ADGRL3: variants seen among roughly 807,000 people sequenced by gnomAD.
ADGRL3 encodes the protein calcium-independent alpha-latrotoxin receptor 3.
A neutral mutation model predicts 153.5 loss-of-function variants in ADGRL3; 62 were observed. The observed-to-expected ratio is 0.40, with a 90% confidence interval of 0.33 to 0.50. The LOEUF is 0.50. ADGRL3 is among the 20% of genes least tolerant of loss of function. The probability of loss-of-function intolerance (pLI) is 0.47; values close to 1 mark genes in which losing one functional copy is unlikely to be tolerated. For synonymous variants in ADGRL3, 710 were observed against 672.5 expected (o/e 1.06, Z -0.86); for missense variants, 1,641 against 1,859.4 (o/e 0.88, Z 2.16).
intron 8 of ADGRL3, among the ~76,000 whole-genome samples, chr4:61,768,985 T>G (rs1425157870): frequency 6.7e-6 from 1 of 149,630 alleles, no homozygotes; most frequent in African/African-American, 2.5e-5. Context: ...TGGAAATAAG[T>G]GATTGGGGGG....
At chr4:61,210,741 G>T (rs1421001822) in intron 1 of ADGRL3, among the ~76,000 whole-genome samples, 2 of 152,064 alleles carry the variant, frequency 1.3e-5, no homozygotes, top group Non-Finnish European at 2.9e-5. Context: ...TATGGTTGTT[G>T]TTTGAACCTT....
intron 2 of ADGRL3, among the ~76,000 whole-genome samples, chr4:61,442,180 A>G (rs182709998): frequency 6.0e-4 from 91 of 152,320 alleles, no homozygotes; most frequent in African/African-American, 2.2e-3. Context: ...TATTTTGGAA[A>G]TAGATAGTAG....
chr4:61,950,013 C>T (rs987860366), intron 17 of ADGRL3, among the ~76,000 whole-genome samples: 1 of 152,072 alleles, frequency 6.6e-6, no homozygotes, highest in African/African-American at 2.4e-5. Flanking sequence ...TTGCAAAGAT[C>T]GAACATTCTT....
intron 1 of ADGRL3, among the ~76,000 whole-genome samples, chr4:61,215,813 A>C (rs867082365): frequency 1.2e-4 from 18 of 151,910 alleles, no homozygotes; most frequent in African/African-American, 4.4e-4. Context: ...CGGCCTCCCA[A>C]AGTGCTGGGA....
intron 1 of ADGRL3, among the ~76,000 whole-genome samples, chr4:61,298,101 T>G (rs2150296132): frequency 6.6e-6 from 1 of 152,300 alleles, no homozygotes; most frequent in African/African-American, 2.4e-5. Context: ...TTTTAGTTAC[T>G]GTTTATTTTT....
intron 9 of ADGRL3, among the ~76,000 whole-genome samples, chr4:61,831,376 A>T (rs1012621029): frequency 1.3e-5 from 2 of 150,102 alleles, no homozygotes; most frequent in East Asian, 3.9e-4. Context: ...CAGCTAAAAA[A>T]CGTCATGAAG....
intron 6 of ADGRL3, among the ~76,000 whole-genome samples, chr4:61,725,115 T>C (rs1488616302): frequency 6.6e-6 from 1 of 152,192 alleles, no homozygotes; most frequent in Non-Finnish European, 1.5e-5. Context: ...TTAAGCTCTG[T>C]TTATGTGTTG....
chr4:61,687,333 C>T (rs954840502), intron 6 of ADGRL3, among the ~76,000 whole-genome samples: 6 of 151,696 alleles, frequency 4.0e-5, no homozygotes, highest in African/African-American at 1.5e-4. Flanking sequence ...TGAGTAGTTC[C>T]AATCTAATTA....
At chr4:61,887,143 G>A (rs888622127) in intron 9 of ADGRL3, among the ~76,000 whole-genome samples, 4 of 152,148 alleles carry the variant, frequency 2.6e-5, no homozygotes, top group Non-Finnish European at 4.4e-5. Context: ...GTGATTACAG[G>A]CATGAGCCAC....
intron 5 of ADGRL3, among the ~76,000 whole-genome samples, chr4:61,663,259 T>A (rs2094665578): frequency 6.6e-6 from 1 of 152,128 alleles, no homozygotes; most frequent in African/African-American, 2.4e-5. Context: ...ACCTAGGAGC[T>A]CCCTGAGCCA....
At chr4:61,844,538 C>T (rs2098084091) in intron 9 of ADGRL3, among the ~76,000 whole-genome samples, 1 of 62,088 alleles carries the variant, frequency 1.6e-5, no homozygotes, top group Non-Finnish European at 2.7e-5. Flanking sequence ...CAAAGCGAGA[C>T]TGCATCTCAA....
At chr4:61,392,039 T>TG in intron 2 of ADGRL3, among the ~76,000 whole-genome samples, 1 of 150,464 alleles carries the variant, frequency 6.6e-6, no homozygotes, top group Non-Finnish European at 1.5e-5. Flanking sequence ...TTTTTTTTTT[T>TG]TTTGTATTTT....
intron 3 of ADGRL3, among the ~76,000 whole-genome samples, chr4:61,503,741 T>C (rs1411179602): frequency 6.6e-6 from 1 of 152,170 alleles, no homozygotes; most frequent in Non-Finnish European, 1.5e-5. Flanking sequence ...ATTAGTAAAA[T>C]ATTTTTTATG....
chr4:61,408,624 T>C (rs1330020067), intron 2 of ADGRL3, among the ~76,000 whole-genome samples: 3 of 152,008 alleles, frequency 2.0e-5, no homozygotes, highest in African/African-American at 7.2e-5. Flanking sequence ...TTACCAATAT[T>C]TAAATTGGAA....
At chr4:61,978,475 T>C (rs2099055826) in intron 17 of ADGRL3, among the ~76,000 whole-genome samples, 2 of 152,208 alleles carry the variant, frequency 1.3e-5, no homozygotes, top group Non-Finnish European at 1.5e-5. Flanking sequence ...CTGCTACTGA[T>C]AGAAGTTAGG....
intron 1 of ADGRL3, among the ~76,000 whole-genome samples, chr4:61,299,162 C>T (rs751397529): frequency 1.3e-5 from 2 of 152,066 alleles, no homozygotes; most frequent in Non-Finnish European, 2.9e-5. Flanking sequence ...CATCTTCCCC[C>T]CCTTTTCTGT....
At position 61,892,878 on chromosome 4, in the gene ADGRL3, C is replaced by T. The variant is rs76798812; in HGVS notation, c.1703C>T (p.Ala568Val). 3,545 of 1,597,118 alleles carry T rather than the reference C, an allele frequency of 2.2e-3. 9 individuals carry two copies. The highest frequency in any genetic ancestry group is 2.7e-3 in the Non-Finnish European group (3,184 of 1,174,778). The change falls in exon 10 of 27, where the codon GCT becomes GTT. Residue 568 changes from alanine (A) to valine (V), a missense_variant. Ala to Val is a moderately conservative substitution (Grantham distance 64). This residue lies in a region of ADGRL3 where 734 missense variants were observed against 797.0 expected (regional missense o/e 0.92). Coordinates refer to ENST00000683033, the MANE Select transcript of ADGRL3 (RefSeq NM_001387552.1). ...QIPALEESCE[A>V]VEAREIMWFK... is the part of the protein sequence containing the mutation. The stretch of plus-strand genomic sequence containing the variant: ...CCAGCTCTCGAAGAGAGCTGTGAGG[C>T]TGTGGAAGCCCGAGAAATCATGTGG...
intron 3 of ADGRL3, among the ~76,000 whole-genome samples, chr4:61,507,392 C>T (rs2098437252): frequency 6.6e-6 from 1 of 152,088 alleles, no homozygotes; most frequent in Admixed American, 6.6e-5. Flanking sequence ...TGTCCCTCTG[C>T]AGACAGATAA....
At chr4:61,630,050 T>G (rs890357809) in intron 5 of ADGRL3, among the ~76,000 whole-genome samples, 1 of 152,154 alleles carries the variant, frequency 6.6e-6, no homozygotes, top group East Asian at 1.9e-4. Context: ...GTATTTTGCA[T>G]GCACACTTTC....
Sources: allele counts gnomAD v4.1 joint callset (sites outside exome capture counted in the v4.1 genomes callset), GRCh38; gene constraint gnomAD v4.1.1; regional missense constraint gnomAD v4.1.1; transcripts MANE v1.5; gene names NCBI Gene and HGNC (gene_info 2026-07-23, HGNC 2026-07-21).